The following VPS13D variants were observed in gnomAD, a reference collection of about 807,000 sequenced individuals.
VPS13D encodes vacuolar protein sorting 13 homolog D, also known as intermembrane lipid transfer protein VPS13D.
Under a neutral mutation model 461.9 loss-of-function variants are expected in VPS13D, and 187 were observed. That is an observed-to-expected ratio of 0.40 (90% CI 0.36 to 0.46). The LOEUF (loss-of-function observed/expected upper bound fraction) is 0.46, where lower values mean the gene tolerates loss of function less well. Ranked by LOEUF, VPS13D falls within the 20% of genes least tolerant of loss-of-function variation. VPS13D has a pLI of 0.60. For missense variants in VPS13D, 4,711 were observed against 5,364.9 expected (o/e 0.88, Z 3.81); for synonymous variants, 1,951 against 1,986.3 (o/e 0.98, Z 0.47).
In VPS13D at chr1:12,302,801, T is replaced by C. The variant is rs373297152; in HGVS notation, c.6217-1705T>C. ...GAATTACTTTCATACTATGTAAAGA[T>C]GTTGTTCTTAAGGCCCATTGAAAAG... On this transcript the variant is annotated intron_variant, in intron 25 of 69. Transcript: ENST00000620676. Among the ~76,000 whole-genome samples the C allele has an allele frequency of 2.9e-4, 44 of 152,108 alleles. 3 individuals carry two copies. Among genetic ancestry groups the C allele is most frequent in the Admixed American group, 2.1e-3 (32 of 15,274 alleles).
In VPS13D at chr1:12,323,707, G is replaced by T; in HGVS notation, c.7917G>T (p.Glu2639Asp). 6.2e-7 allele frequency: 1 copy of T among 1,613,472 alleles called. No homozygotes were observed. ...AATTTTATGCTATTTGTTTCCTAGA[G>T]TTACAGCTGGCTAGGCTGCAGGAGC... is the stretch of plus-strand genomic sequence containing the variant. ...GTRHTLDPVL[E>D]LQLARLQELG... Residue 2639 changes from glutamate to aspartate, a missense_variant and splice_region_variant, in exon 35 of 70, where the codon GAG becomes GAT. Physicochemically the swap from Glu to Asp is conservative, Grantham distance 45. Transcript: ENST00000620676.
intron 60 of VPS13D, among the ~76,000 whole-genome samples, chr1:12,396,881 G>A (rs953006374): frequency 6.6e-6 from 1 of 152,102 alleles, no homozygotes; most frequent in Admixed American, 6.6e-5. Context: ...ACCATTTGCT[G>A]TTCATTAGTT....
chr1:12,230,549 C>T (rs1458012987), intron 1 of VPS13D, among the ~76,000 whole-genome samples: 6 of 152,118 alleles, frequency 3.9e-5, no homozygotes, highest in Non-Finnish European at 8.8e-5. Context: ...GGTCTCAATG[C>T]AGGACCCCAG....
Position 12,497,495 on chromosome 1 carries a change from T to C in VPS13D, c.12663-5T>C, listed in dbSNP as rs761070909. The C allele has an allele frequency of 7.4e-6, 12 of 1,612,762 alleles. No homozygotes were observed. The African/African-American group carries it at 1.3e-4, about 18-fold the overall frequency. ...TCTTGGCTTTATGTCCATTTACCCA[T>C]CTAGGACTCAAGCACAGAGGGTTCG... On this transcript the variant is annotated splice_region_variant and splice_polypyrimidine_tract_variant and intron_variant, in intron 67 of 69. Transcript: ENST00000620676.
At chr1:12,487,310 G>A (rs575315495) in intron 67 of VPS13D, among the ~76,000 whole-genome samples, 114 of 152,196 alleles carry the variant, frequency 7.5e-4, no homozygotes, top group African/African-American at 2.7e-3. Flanking sequence ...AGGCGGTCTT[G>A]AAAAAGCAAA....
intron 50 of VPS13D, among the ~76,000 whole-genome samples, chr1:12,362,059 C>T (rs890650116): frequency 4.6e-5 from 7 of 152,154 alleles, no homozygotes; most frequent in East Asian, 1.9e-4. Flanking sequence ...GATGGGGTTT[C>T]GCCATGTTGG....
chr1:12,389,513 C>G (rs1481029608), intron 60 of VPS13D, among the ~76,000 whole-genome samples: 1 of 152,162 alleles, frequency 6.6e-6, no homozygotes, highest in East Asian at 1.9e-4. Context: ...GTCAATAAAT[C>G]TATGTCACAT....
intron 65 of VPS13D, among the ~76,000 whole-genome samples, chr1:12,430,804 A>G (rs1644981845): frequency 6.6e-6 from 1 of 152,226 alleles, no homozygotes; most frequent in Non-Finnish European, 1.5e-5. Flanking sequence ...TCAGCGGGTC[A>G]TGCAAATCTC....
Position 12,361,395 on chromosome 1 carries a change from A to ATTT in VPS13D, c.10142-1324_10142-1322dup, listed in dbSNP as rs796776170. Among the ~76,000 whole-genome samples, 23 of 133,410 alleles carry ATTT rather than the reference A, an allele frequency of 1.7e-4. 1 individual carries two copies. Among genetic ancestry groups the ATTT allele is most frequent in the African/African-American group, 7.5e-4 (21 of 28,018 alleles). 87.5% of individuals were successfully genotyped at this position (133,410 alleles called of 152,430 possible). ...TTTTTATTTATTTATTTATTTATTTATTTATTTATTTTTTTTTTGAGACGG... is the reference window on the plus strand; with the variant it reads ...TTTTTATTTATTTATTTATTTATTTATTTTTTATTTATTTTTTTTTTGAGACGG... On this transcript the variant is annotated intron_variant, in intron 50 of 69. Coordinates refer to ENST00000620676, the MANE Select transcript of VPS13D (RefSeq NM_015378.4).
At chr1:12,417,252 A>G (rs558619918) in intron 65 of VPS13D, among the ~76,000 whole-genome samples, 1 of 152,332 alleles carries the variant, frequency 6.6e-6, no homozygotes, top group African/African-American at 2.4e-5. Context: ...TATAATGACA[A>G]CAACCTTTTA....
chr1:12,478,623 C>T (rs541429831), intron 67 of VPS13D: 19 of 358,320 alleles, frequency 5.3e-5, no homozygotes, highest in South Asian at 3.6e-4. Context: ...AAAGCCTGCA[C>T]GTTTCTTTTC....
intron 65 of VPS13D, among the ~76,000 whole-genome samples, chr1:12,449,985 C>T (rs908916828): frequency 2.0e-5 from 3 of 151,986 alleles, no homozygotes; most frequent in Admixed American, 6.6e-5. Context: ...ATTAGCCAGG[C>T]GTGGTGGCAC....
Position 12,329,830 on chromosome 1 carries a change from T to A in VPS13D, c.8199T>A (p.Arg2733=). 1 of 1,614,040 alleles carries A rather than the reference T, an allele frequency of 6.2e-7. No homozygotes were observed. The highest frequency in any genetic ancestry group is 2.2e-5 in the East Asian group (1 of 44,892). ...DVPLAELTFS[R]LNFLQRVRTS... is the part of the protein sequence containing the mutation. ...CAGTAAGGTTTGCTTTCATTGCAGG[T>A]CTGAATTTTCTTCAGCGTGTAAGAA... The change falls in exon 37 of 70, where the codon CGT becomes CGA. Residue 2733 remains arginine, a splice_region_variant and synonymous_variant. Transcript: ENST00000620676.
At chr1:12,258,181 A>G in intron 10 of VPS13D, 78 bp downstream of exon 10, 1 of 1,548,426 alleles carries the variant, frequency 6.5e-7, no homozygotes, top group Non-Finnish European at 8.8e-7. Context: ...AGAAAATGGG[A>G]TCTGTGAAGT....
chr1:12,465,824 G>C (rs532367379), intron 67 of VPS13D, among the ~76,000 whole-genome samples: 1 of 152,322 alleles, frequency 6.6e-6, no homozygotes, highest in Non-Finnish European at 1.5e-5. Flanking sequence ...ATGCAGTCAG[G>C]TTGGACAGGT....
chr1:12,407,185 C>T (rs1644667178), intron 63 of VPS13D: 1 of 152,166 alleles, frequency 6.6e-6, no homozygotes. Flanking sequence ...GGGAAATAGG[C>T]AAATACCCTG....
At chr1:12,327,902 T>C (rs768188589) in intron 36 of VPS13D, 48 bp downstream of exon 36, 1 of 1,578,326 alleles carries the variant, frequency 6.3e-7, no homozygotes, top group South Asian at 1.2e-5. Context: ...TTTCCAGTCA[T>C]TGCTGAATTA....
At chr1:12,362,905 A>G (rs1643971832) in intron 51 of VPS13D, 55 bp downstream of exon 51, 2 of 1,610,310 alleles carry the variant, frequency 1.2e-6, no homozygotes, top group African/African-American at 1.3e-5. Flanking sequence ...ACGAGTTTTA[A>G]TGTCATCTTC....
At chr1:12,489,756 T>C (rs372680676) in intron 67 of VPS13D, among the ~76,000 whole-genome samples, 3 of 152,248 alleles carry the variant, frequency 2.0e-5, no homozygotes, top group East Asian at 1.9e-4. Context: ...GTGCCTATTA[T>C]GTGCTAGACT....
Sources: allele counts gnomAD v4.1 joint callset (sites outside exome capture counted in the v4.1 genomes callset), GRCh38; gene constraint gnomAD v4.1.1; transcripts MANE v1.5; gene names NCBI Gene and HGNC (gene_info 2026-07-23, HGNC 2026-07-21).